Variants in MKRN2OS observed in about 807,000 individuals in gnomAD.
MKRN2OS encodes MKRN2 opposite strand protein.
MKRN2OS carries 17 observed loss-of-function variants against 18.2 expected under a neutral mutation model. That is an observed-to-expected ratio of 0.93 (90% CI 0.64 to 1.40). The LOEUF is 1.40. Among genes scored for constraint, MKRN2OS ranks in the 40% most tolerant of loss-of-function variants. The pLI, the probability that MKRN2OS is intolerant of heterozygous loss-of-function variation, is 0.00. For missense variants in MKRN2OS, 337 were observed against 283.0 expected (o/e 1.19, Z -1.37); for synonymous variants, 121 against 108.5 (o/e 1.12, Z -0.72).
chr3:12,545,588 T>C, upstream of MKRN2OS: 1 of 692,420 alleles, frequency 1.4e-6, no homozygotes, highest in African/African-American at 1.8e-5. Context: ...GACTGATGGC[T>C]TCAGAAGCCA....
rs1205620597 is a variant in MKRN2OS, at chr3:12,545,448, G to T, written c.17C>A (p.Ala6Asp). The T allele has an allele frequency of 6.8e-5, 104 of 1,532,912 alleles. 1 individual carries two copies. The highest frequency in any genetic ancestry group is 1.2e-4 in the South Asian group (10 of 83,752). 95.0% of individuals were successfully genotyped at this position (1,532,912 alleles called of 1,614,324 possible). A position where few individuals can be genotyped will look rare whatever the true frequency, so the allele number is the denominator to read the frequency against. The change falls in exon 1 of 4, where the codon GCT (alanine) becomes GAT (aspartate). Residue 6 changes from alanine to aspartate, a missense_variant. Ala to Asp is a moderately radical substitution (Grantham distance 126). Coordinates refer to ENST00000564146, the MANE Select transcript of MKRN2OS (RefSeq NM_001195279.2). ...GTTGAATTTAATTAAAGCCTTCCCA[G>T]CCTCTGCGCAGTGCATAGCTTTCGC... MHCAEAGKALIKFNHC... is the reference protein window; with the variant it reads MHCAEDGKALIKFNHC...
At chr3:12,546,637 G>A (rs1041723767), upstream of MKRN2OS, among the ~76,000 whole-genome samples, 1 of 138,722 alleles carries the variant, frequency 7.2e-6, no homozygotes, top group Non-Finnish European at 1.5e-5. Flanking sequence ...CTGGAGTGCA[G>A]TGGTGTGATC....
chr3:12,550,315 G>A (rs908499296), upstream of MKRN2OS, among the ~76,000 whole-genome samples: 1 of 152,164 alleles, frequency 6.6e-6, no homozygotes, highest in Non-Finnish European at 1.5e-5. Context: ...GCATATCACT[G>A]AGTGGAAGAA....
At chr3:12,541,476 C>G (rs1057142664) in intron 3 of MKRN2OS, among the ~76,000 whole-genome samples, 2 of 152,158 alleles carry the variant, frequency 1.3e-5, no homozygotes, top group Admixed American at 6.5e-5. Flanking sequence ...GCCTCAGTCT[C>G]CCAAAGTGCT....
intron 1 of MKRN2OS, among the ~76,000 whole-genome samples, chr3:12,556,241 T>C (rs1405928754): frequency 1.3e-5 from 2 of 150,216 alleles, no homozygotes; most frequent in African/African-American, 4.9e-5. Context: ...TCCAGCTACG[T>C]GGAAGGCTGA....
chr3:12,553,604 A>T (rs2057944706), downstream of MKRN2OS, among the ~76,000 whole-genome samples: 1 of 152,108 alleles, frequency 6.6e-6, no homozygotes, highest in Non-Finnish European at 1.5e-5. Flanking sequence ...TATTGAATCC[A>T]GGAACAAAAT....
intron 3 of MKRN2OS, among the ~76,000 whole-genome samples, chr3:12,540,877 C>CA (rs11369647): frequency 0.17 from 9,945 of 59,392 alleles, 892 homozygotes; most frequent in Non-Finnish European, 0.19. Flanking sequence ...GACTCCATCT[C>CA]AAAAAAAAAA....
upstream of MKRN2OS, among the ~76,000 whole-genome samples, chr3:12,546,520 A>T (rs2057884986): frequency 1.3e-5 from 2 of 148,592 alleles, no homozygotes; most frequent in South Asian, 2.1e-4. Context: ...TAATTTTTTA[A>T]TTTTCTTATT....
Position 12,556,792 on chromosome 3 carries a change from G to T in MKRN2OS, n.265-2658C>A, listed in dbSNP as rs186105842. ...GTGGTGAAGTGCCTCGAAGGAGGCG[G>T]GAGATCCCTAAGGAATACTCTTGGC... On this transcript the variant is annotated intron_variant and non_coding_transcript_variant, in intron 1 of 1. Transcript: ENST00000447550. Among the ~76,000 whole-genome samples, 7 of 152,256 alleles carry T rather than the reference G, an allele frequency of 4.6e-5. No homozygotes were observed. The East Asian group carries it at 1.4e-3, about 29-fold the overall frequency.
chr3:12,543,281 G>A, intron 1 of MKRN2OS, 52 bp from the exon 2 acceptor site: 1 of 1,458,142 alleles, frequency 6.9e-7, no homozygotes. Context: ...TTGGCATGAA[G>A]AATTGGCATT....
chr3:12,544,191 A>G (rs1159681428), intron 1 of MKRN2OS, among the ~76,000 whole-genome samples: 1 of 152,174 alleles, frequency 6.6e-6, no homozygotes, highest in Admixed American at 6.5e-5. Context: ...CCATTTTCTT[A>G]TTCAAAACCA....
chr3:12,559,151 T>C (rs1360029019), intron 1 of MKRN2OS, among the ~76,000 whole-genome samples: 1 of 152,182 alleles, frequency 6.6e-6, no homozygotes, highest in Non-Finnish European at 1.5e-5. Flanking sequence ...CAAAAGGGTG[T>C]AAAGGAGTCA....
chr3:12,543,723 T>C (rs1454639141), intron 1 of MKRN2OS, among the ~76,000 whole-genome samples: 2 of 151,654 alleles, frequency 1.3e-5, no homozygotes, highest in African/African-American at 4.8e-5. Flanking sequence ...TCGTCTCTAC[T>C]AAAAAATAAA....
intron 3 of MKRN2OS, among the ~76,000 whole-genome samples, chr3:12,541,108 A>G (rs960531390): frequency 3.9e-5 from 6 of 152,062 alleles, no homozygotes; most frequent in Non-Finnish European, 7.4e-5. Context: ...AAACCTCCAA[A>G]TAATTTAAAT....
At chr3:12,543,341 C>A in intron 1 of MKRN2OS, 112 bp from the exon 2 acceptor site, 1 of 830,002 alleles carries the variant, frequency 1.2e-6, no homozygotes, top group South Asian at 1.7e-5. Flanking sequence ...AATCCCAGCA[C>A]TTTGGGAGGC....
chr3:12,542,013 T>C lies in MKRN2OS; in HGVS notation c.278A>G (p.Tyr93Cys). 3 of 1,534,774 alleles carry C rather than the reference T, an allele frequency of 2.0e-6. No homozygotes were observed. The highest frequency in any genetic ancestry group is 2.6e-6 in the Non-Finnish European group (3 of 1,146,148). ...VGITNTNGVV[Y>C]NYSAHGVQRD... Reference sequence around the variant, plus strand: ...CTGGACACCATGTGCACTGTAATTATACACAACCCCTGCAAATCAAAACCA... The same window carrying C: ...CTGGACACCATGTGCACTGTAATTACACACAACCCCTGCAAATCAAAACCA... Residue 93 changes from tyrosine (Y) to cysteine (C), a missense_variant, in exon 3 of 4, where the codon TAT (tyrosine) becomes TGT (cysteine). Physicochemically the swap from Tyr to Cys is radical, Grantham distance 194. Transcript: ENST00000564146.
chr3:12,548,563 C>T (rs1385913939), upstream of MKRN2OS, among the ~76,000 whole-genome samples: 4 of 149,912 alleles, frequency 2.7e-5, no homozygotes, highest in Non-Finnish European at 5.9e-5. Context: ...ACCCAGGAGG[C>T]GGAGGTTGCA....
At chr3:12,548,875 CA>C (rs2057908123), upstream of MKRN2OS, among the ~76,000 whole-genome samples, 1 of 151,978 alleles carries the variant, frequency 6.6e-6, no homozygotes, top group Admixed American at 6.6e-5. Flanking sequence ...TAAAATAAAA[CA>C]TAGACACAGA....
In MKRN2OS at chr3:12,540,216, G is replaced by C; in HGVS notation, c.649C>G (p.Pro217Ala). The C allele has an allele frequency of 6.5e-7, 1 of 1,536,088 alleles. No homozygotes were observed. Among genetic ancestry groups the C allele is most frequent in the Non-Finnish European group, 8.7e-7 (1 of 1,146,872 alleles). The change falls in exon 4 of 4, where the codon CCT becomes GCT. Residue 217 changes from proline to alanine, a missense_variant. Pro to Ala is a conservative substitution (Grantham distance 27, BLOSUM62 -1). Coordinates refer to ENST00000564146, the MANE Select transcript of MKRN2OS (RefSeq NM_001195279.2). ...TDCPQQQAQP[P>A]EGGGLC Reference sequence around the variant, plus strand: ...TCTCAGCACAAACCGCCGCCCTCAGGGGGTTGTGCCTGCTGCTGGGGACAG... The same window carrying C: ...TCTCAGCACAAACCGCCGCCCTCAGCGGGTTGTGCCTGCTGCTGGGGACAG...
Sources: allele counts gnomAD v4.1 joint callset (sites outside exome capture counted in the v4.1 genomes callset), GRCh38; gene constraint gnomAD v4.1.1; transcripts MANE v1.5; gene names NCBI Gene and HGNC (gene_info 2026-07-23, HGNC 2026-07-21).